TMEM178A: variants seen among roughly 807,000 people sequenced by gnomAD.
TMEM178A encodes transmembrane protein 178A.
In TMEM178A, 12 loss-of-function variants were observed where a neutral mutation model predicts 29.1. The observed-to-expected ratio is 0.41, with a 90% CI of 0.26 to 0.67. TMEM178A has a LOEUF of 0.67. Ranked by LOEUF, TMEM178A falls within the 30% of genes least tolerant of loss-of-function variation. The pLI is 0.29. For synonymous variants in TMEM178A, 210 were observed against 187.2 expected, an observed-to-expected ratio of 1.12 and a Z score of -0.99; for missense variants, 366 against 419.1, an observed-to-expected ratio of 0.87 and a Z score of 1.11.
the TMEM178A span, among the ~76,000 whole-genome samples, chr2:39,726,300 G>A: frequency 6.6e-6 from 1 of 152,324 alleles, no homozygotes; most frequent in East Asian, 1.9e-4. Flanking sequence ...CATTTGCACA[G>A]AGAGCCTGAG....
the TMEM178A span, among the ~76,000 whole-genome samples, chr2:39,727,392 TA>T: frequency 6.6e-6 from 1 of 152,206 alleles, no homozygotes; most frequent in Non-Finnish European, 1.5e-5. Flanking sequence ...GAACATGCAC[TA>T]AAAAAACTCA....
intron 1 of TMEM178A, among the ~76,000 whole-genome samples, chr2:39,685,615 A>G (rs1240394621): frequency 1.3e-5 from 2 of 152,220 alleles, no homozygotes; most frequent in African/African-American, 4.8e-5. Flanking sequence ...TAGTTAAGTT[A>G]GATGTGACCA....
the TMEM178A span, among the ~76,000 whole-genome samples, chr2:39,735,643 C>T: frequency 6.6e-6 from 1 of 152,248 alleles, no homozygotes; most frequent in Non-Finnish European, 1.5e-5. Context: ...TCTCCATTAT[C>T]AGAGTCCCAG....
chr2:39,725,424 C>T, the TMEM178A span, among the ~76,000 whole-genome samples: 6 of 152,146 alleles, frequency 3.9e-5, no homozygotes, highest in African/African-American at 9.7e-5. Context: ...CTGTGTTGCA[C>T]GATTCCATAC....
At chr2:39,732,977 G>A in the TMEM178A span, among the ~76,000 whole-genome samples, 2 of 152,168 alleles carry the variant, frequency 1.3e-5, no homozygotes, top group Admixed American at 6.5e-5. Context: ...TGTTTATTTC[G>A]GTAAGAAGGG....
At chr2:39,683,065 A>T (rs1272626568) in intron 1 of TMEM178A, among the ~76,000 whole-genome samples, 1 of 152,168 alleles carries the variant, frequency 6.6e-6, no homozygotes, top group Admixed American at 6.5e-5. Flanking sequence ...TCTTCTATTG[A>T]TCTTCAGGAC....
At chr2:39,723,909 T>G in the TMEM178A span, among the ~76,000 whole-genome samples, 1 of 152,334 alleles carries the variant, frequency 6.6e-6, no homozygotes, top group Middle Eastern at 3.4e-3. Flanking sequence ...TAGGTTCACA[T>G]TCCCCTGCAT....
chr2:39,719,060 G>A (rs560344478), downstream of TMEM178A, among the ~76,000 whole-genome samples: 1 of 152,298 alleles, frequency 6.6e-6, no homozygotes, highest in South Asian at 2.1e-4. Context: ...GAGGATGCCG[G>A]CGACCACACC....
the TMEM178A span, among the ~76,000 whole-genome samples, chr2:39,735,086 T>C: frequency 6.6e-6 from 1 of 152,190 alleles, no homozygotes; most frequent in African/African-American, 2.4e-5. Context: ...TTAGGTGACA[T>C]CACCTATTCA....
At position 39,704,104 on chromosome 2, in the gene TMEM178A, A is replaced by G. The variant is rs768997041; in HGVS notation, c.424A>G (p.Ile142Val). The G allele has an allele frequency of 6.2e-7, 1 of 1,614,032 alleles. No homozygotes were observed. The highest frequency in any genetic ancestry group is 1.3e-5 in the African/African-American group (1 of 74,924). ...LKGIAQRCTA[I>V]KYHFSQPIRL... ...AGGTATTGCGCAGCGATGCACGGCC[A>G]TCAAGTACCACTTTTCTCAGCCCAT... The change falls in exon 2 of 4, where the codon ATC becomes GTC. Residue 142 changes from isoleucine to valine, a missense_variant. By Grantham distance (29) the Ile-to-Val change is conservative (BLOSUM62 3). Coordinates refer to ENST00000281961, the MANE Select transcript of TMEM178A (RefSeq NM_152390.3).
upstream of TMEM178A, chr2:39,665,901 A>C: frequency 1.6e-6 from 2 of 1,255,200 alleles, no homozygotes; most frequent in Non-Finnish European, 2.0e-6. Flanking sequence ...GAGCGGGCGG[A>C]GAGCTGGGGC....
the TMEM178A span, among the ~76,000 whole-genome samples, chr2:39,733,893 T>C: frequency 6.6e-6 from 1 of 152,180 alleles, no homozygotes. Context: ...ATTCCTCCAA[T>C]TGTGGACTGC....
intron 1 of TMEM178A, among the ~76,000 whole-genome samples, chr2:39,686,763 C>G (rs1190808219): frequency 6.6e-6 from 1 of 152,132 alleles, no homozygotes; most frequent in African/African-American, 2.4e-5. Flanking sequence ...CCTCTAAACT[C>G]CTCCTATCCA....
At chr2:39,692,270 CAA>C (rs1558453385) in intron 1 of TMEM178A, among the ~76,000 whole-genome samples, 2 of 152,064 alleles carry the variant, frequency 1.3e-5, no homozygotes, top group African/African-American at 4.8e-5. Flanking sequence ...GGATAGATAA[CAA>C]TATTGTATTA....
intron 3 of TMEM178A, among the ~76,000 whole-genome samples, chr2:39,710,018 GA>G (rs1672236971): frequency 6.6e-6 from 1 of 152,190 alleles, no homozygotes; most frequent in South Asian, 2.1e-4. Flanking sequence ...GGGCACAGAG[GA>G]GAGGCAGTAG....
At position 39,717,352 on chromosome 2, in the gene TMEM178A, T is replaced by A; in HGVS notation, c.*101T>A. On this transcript the variant is annotated 3_prime_UTR_variant, in exon 4 of 4. Transcript: ENST00000281961. ...AAGCGGTCTTTTACATTCCAACCTG[T>A]TGCCTGCCAGCCCTTTCTGGATTAC... is the stretch of plus-strand genomic sequence containing the variant. 1 of 1,471,170 alleles carries A rather than the reference T, an allele frequency of 6.8e-7. No homozygotes were observed. Among genetic ancestry groups the A allele is most frequent in the Non-Finnish European group, 9.1e-7 (1 of 1,103,630 alleles). 91.1% of individuals were successfully genotyped at this position (1,471,170 alleles called of 1,614,324 possible).
intron 1 of TMEM178A, among the ~76,000 whole-genome samples, chr2:39,701,116 T>C (rs1464912842): frequency 6.6e-6 from 1 of 152,176 alleles, no homozygotes. Context: ...TACTGTCTTT[T>C]ACAGTGACCT....
upstream of TMEM178A, chr2:39,665,893 G>C: frequency 8.2e-7 from 1 of 1,224,346 alleles, no homozygotes; most frequent in South Asian, 2.3e-5. Context: ...GAGGGAGGGA[G>C]CGGGCGGAGA....
intron 1 of TMEM178A, among the ~76,000 whole-genome samples, chr2:39,684,476 G>A (rs924803372): frequency 6.6e-6 from 1 of 152,110 alleles, no homozygotes; most frequent in African/African-American, 2.4e-5. Context: ...ATACTGCTTT[G>A]TATCGAGCAT....
Sources: gnomAD v4.1 joint callset for allele counts (sites outside exome capture counted in the v4.1 genomes callset) on GRCh38, gnomAD v4.1.1 for gene constraint, MANE v1.5 for transcripts, NCBI Gene and HGNC (gene_info 2026-07-23, HGNC 2026-07-21) for gene names.